The following DNAH8 variants were observed in gnomAD, a reference collection of about 807,000 sequenced individuals.
DNAH8 encodes the protein axonemal beta dynein heavy chain 8.
In DNAH8, 382 loss-of-function variants were observed where a neutral mutation model predicts 562.1. That is an observed-to-expected ratio of 0.68 (90% CI 0.63 to 0.74). The LOEUF (loss-of-function observed/expected upper bound fraction) is 0.74. Ranked by LOEUF, DNAH8 falls within the 30% of genes least tolerant of loss-of-function variation. DNAH8 has a pLI of 0.00. For missense variants in DNAH8, 5,203 were observed against 5,620.4 expected (o/e 0.93, Z 2.37); for synonymous variants, 1,881 against 1,919.4 (o/e 0.98, Z 0.52).
At chr6:38,746,194 A>T (rs983763248) in intron 8 of DNAH8, among the ~76,000 whole-genome samples, 1 of 152,172 alleles carries the variant, frequency 6.6e-6, no homozygotes, top group African/African-American at 2.4e-5. Context: ...TATTTTCATT[A>T]ATATAGCCTC....
intron 21 of DNAH8, among the ~76,000 whole-genome samples, chr6:38,802,308 G>A (rs1047362052): frequency 8.6e-5 from 13 of 151,736 alleles, no homozygotes; most frequent in African/African-American, 2.2e-4. Flanking sequence ...GCAGTGGCGC[G>A]ATCATGGCTC....
intron 15 of DNAH8, among the ~76,000 whole-genome samples, chr6:38,780,298 T>C (rs1768457737): frequency 6.6e-6 from 1 of 152,204 alleles, no homozygotes. Context: ...ATTTATTGAG[T>C]AGGAAGTCCT....
chr6:38,750,635 C>T lies in DNAH8; in HGVS notation c.1407+46C>T, dbSNP rs201990529. ...CAATTTTAAACTGAGGGCAGTGGCT[C>T]GCATCTGTGATTCTAGCTACTCAGA... On this transcript the variant is annotated intron_variant, in intron 9 of 92. Transcript: ENST00000327475. The T allele has an allele frequency of 3.6e-4, 429 of 1,196,866 alleles. No homozygotes were observed. The East Asian group carries it at 8.4e-3, about 24-fold the overall frequency. 74.1% of individuals were successfully genotyped at this position (1,196,866 alleles called of 1,614,324 possible).
rs1329052638 is a variant in DNAH8 at position 38,715,921 on chromosome 6, AATAAATATATAT to A, written c.-35+510_-35+521del. 2.8e-3 allele frequency among the ~76,000 whole-genome samples: 121 copies of A among 43,392 alleles called. 3 individuals are homozygous for A. Among genetic ancestry groups the A allele is most frequent in the African/African-American group, 0.016 (114 of 7,258 alleles). 28.5% of individuals were successfully genotyped at this position (43,392 alleles called of 152,430 possible). ...AGCTATTAAAATAAATAAATAAATA[AATAAATATATAT>A]ATATATATATATATATATATATATA... On this transcript the variant is annotated intron_variant, in intron 1 of 92. Transcript: ENST00000327475.
chr6:38,952,732 T>C (rs1453274235), intron 82 of DNAH8, among the ~76,000 whole-genome samples: 1 of 152,222 alleles, frequency 6.6e-6, no homozygotes, highest in Non-Finnish European at 1.5e-5. Flanking sequence ...CACACTGTTC[T>C]ATATTCTCAG....
At position 38,938,179 on chromosome 6, in the gene DNAH8, G is replaced by A. The variant is rs1783124700; in HGVS notation, c.11769G>A (p.Gln3923=). Residue 3923 remains glutamine, a synonymous_variant, in exon 78 of 93, where the codon CAG becomes CAA. Transcript: ENST00000327475. ...TGAGCATGGTCAACATCATGTATCA[G>A]ACGTCATTGGCCCAGTTCTTGAAGT... The part of the protein sequence containing the change: ...TEMSMVNIMY[Q]TSLAQFLKLF... 6.2e-7 allele frequency: 1 copy of A among 1,613,828 alleles called. No individual in the cohort carries two copies. Among genetic ancestry groups the A allele is most frequent in the Admixed American group, 1.7e-5 (1 of 59,998 alleles).
At chr6:39,012,153 T>G in intron 89 of DNAH8, 62 bp from the exon 90 acceptor site, 3 of 1,196,798 alleles carry the variant, frequency 2.5e-6, no homozygotes, top group Non-Finnish European at 3.6e-6. Flanking sequence ...AAAGAAGAGG[T>G]TATTGGAAGA....
chr6:38,837,943 C>A lies in DNAH8; in HGVS notation c.4367C>A (p.Ala1456Asp). The change falls in exon 33 of 93, where the codon GCC (alanine) becomes GAC (aspartate). Residue 1456 changes from alanine to aspartate, a missense_variant and splice_region_variant. By Grantham distance (126) the Ala-to-Asp change is moderately radical. Around this residue, in one of 6 missense-constraint regions of DNAH8, gnomAD observed 2,176 missense variants for 2,365.1 expected, o/e 0.92. Transcript: ENST00000327475. ...ACAATTTAAAAACCTTTGTTACAGG[C>A]CAGTTTCGATGATCTGTGGAGGAAA... The part of the protein sequence containing the change: ...EASNRLQIFQ[A>D]SFDDLWRKFV... The A allele has an allele frequency of 1.2e-6, 2 of 1,606,716 alleles. No homozygotes were observed. The highest frequency in any genetic ancestry group is 1.7e-6 in the Non-Finnish European group (2 of 1,174,360).
chr6:38,866,862 C>T lies in DNAH8; in HGVS notation c.6679C>T (p.Gln2227Ter), dbSNP rs777610268. The change falls in exon 47 of 93, where the codon CAA becomes TAA. Residue 2227 changes from glutamine (Q) to a stop codon, truncating the protein, a stop_gained. Transcript: ENST00000327475. LOFTEE classifies it high-confidence loss of function. ...FYVLYKLCEE[Q>*]LTKQVHYDFG... ...CGTTCTTTACAAACTCTGTGAAGAG[C>T]AACTTACTAAACAGGTAACTTTATA... 5 of 1,603,960 alleles carry T rather than the reference C, an allele frequency of 3.1e-6. No individual in the cohort carries two copies. The Admixed American group carries it at 8.4e-5, about 27-fold the overall frequency.
chr6:38,775,422 A>C (rs578215310), intron 12 of DNAH8, among the ~76,000 whole-genome samples: 2 of 152,332 alleles, frequency 1.3e-5, no homozygotes, highest in East Asian at 3.9e-4. Flanking sequence ...TAATCCAGTG[A>C]AATGATTTTC....
intron 1 of DNAH8, among the ~76,000 whole-genome samples, chr6:38,717,950 A>G (rs1762468714): frequency 6.6e-6 from 1 of 152,192 alleles, no homozygotes; most frequent in Non-Finnish European, 1.5e-5. Flanking sequence ...CCGTATATAC[A>G]CATATACACA....
intron 44 of DNAH8, among the ~76,000 whole-genome samples, chr6:38,863,378 G>T (rs1025476870): frequency 7.2e-5 from 11 of 152,016 alleles, no homozygotes; most frequent in African/African-American, 2.7e-4. Flanking sequence ...AGTGAGCCGA[G>T]ATCTTGCCAC....
At chr6:38,925,583 C>T (rs1309076914) in intron 73 of DNAH8, among the ~76,000 whole-genome samples, 1 of 152,036 alleles carries the variant, frequency 6.6e-6, no homozygotes, top group Non-Finnish European at 1.5e-5. Flanking sequence ...CATTGATGAG[C>T]TCCGGCCAAT....
chr6:38,921,416 G>A lies in DNAH8; in HGVS notation c.10572G>A (p.Glu3524=). Residue 3524 remains glutamate (E), a synonymous_variant, in exon 71 of 93, where the codon GAG becomes GAA. Coordinates refer to ENST00000327475, the MANE Select transcript of DNAH8 (RefSeq NM_001206927.2). ...GCCGGTTAGCAGTTGCTAATGCTGA[G>A]TTAGGGAAGGCACAAGCCCTGCTGG... ...QEGRLAVANA[E]LGKAQALLDE... 1 of 1,613,834 alleles carries A rather than the reference G, an allele frequency of 6.2e-7. No homozygotes were observed. The highest frequency in any genetic ancestry group is 1.1e-5 in the South Asian group (1 of 91,046).
intron 33 of DNAH8, among the ~76,000 whole-genome samples, chr6:38,839,223 C>A (rs1774562596): frequency 6.6e-6 from 1 of 152,098 alleles, no homozygotes; most frequent in Non-Finnish European, 1.5e-5. Context: ...AGATCCAATG[C>A]GTTCACCCTC....
chr6:38,907,830 T>G, intron 63 of DNAH8, 126 bp from the exon 64 acceptor site: 4 of 779,496 alleles, frequency 5.1e-6, no homozygotes, highest in Non-Finnish European at 7.4e-6. Flanking sequence ...GATTTGACTG[T>G]GGAGATGCTG....
At chr6:38,807,476 C>T (rs1053065322) in intron 23 of DNAH8, 134 bp from the exon 24 acceptor site, 10 of 418,722 alleles carry the variant, frequency 2.4e-5, no homozygotes, top group Non-Finnish European at 3.9e-5. Context: ...TTTATTTCTA[C>T]AATATCATTG....
At chr6:38,938,378 G>GGT (rs1455376013) in intron 78 of DNAH8, 152 bp downstream of exon 78, 2 of 878,724 alleles carry the variant, frequency 2.3e-6, no homozygotes, top group African/African-American at 3.4e-5. Flanking sequence ...AAGAAAAGGT[G>GGT]GTACATATAC....
intron 80 of DNAH8, 107 bp downstream of exon 80, chr6:38,945,695 A>T: frequency 6.8e-7 from 1 of 1,466,564 alleles, no homozygotes; most frequent in Non-Finnish European, 9.3e-7. Flanking sequence ...CAAAAAAGTC[A>T]ACCCAATAGT....
Sources: gnomAD v4.1 joint callset for allele counts (sites outside exome capture counted in the v4.1 genomes callset) on GRCh38, gnomAD v4.1.1 for gene constraint, gnomAD v4.1.1 regional missense constraint, MANE v1.5 for transcripts, NCBI Gene and HGNC (gene_info 2026-07-23, HGNC 2026-07-21) for gene names.